FAM193A: variants seen among roughly 807,000 people sequenced by gnomAD.
The protein encoded by FAM193A is protein FAM193A.
Under a neutral mutation model 126.5 loss-of-function variants are expected in FAM193A, and 22 were observed. That is an observed-to-expected ratio of 0.17 (90% CI 0.12 to 0.25). The LOEUF is 0.25. Among genes scored for constraint, FAM193A ranks in the 10% least tolerant of loss-of-function variants. FAM193A has a pLI of 1.00. For synonymous variants in FAM193A, 761 were observed against 646.8 expected, an observed-to-expected ratio of 1.18 and a Z score of -2.68; for missense variants, 1,675 against 1,672.8, an observed-to-expected ratio of 1.00 and a Z score of -0.02.
At position 2,693,670 on chromosome 4, in the gene FAM193A, C is replaced by G; in HGVS notation, c.2888C>G (p.Pro963Arg). Residue 963 changes from proline to arginine, a missense_variant, in exon 16 of 21, where the codon CCC becomes CGC. Pro to Arg is a moderately radical substitution (Grantham distance 103, BLOSUM62 -2). Transcript: ENST00000637812. ...APRNSPTGLA[P>R]LPALSPAALS... Reference sequence around the variant, plus strand: ...AGGAATAGCCCCACGGGCTTGGCCCCCCTCCCAGCGCTCTCGCCTGCTGCG... The same window carrying G: ...AGGAATAGCCCCACGGGCTTGGCCCGCCTCCCAGCGCTCTCGCCTGCTGCG... 6.2e-7 allele frequency: 1 copy of G among 1,614,226 alleles called. No individual in the cohort carries two copies. The highest frequency in any genetic ancestry group is 8.5e-7 in the Non-Finnish European group (1 of 1,180,034).
intron 20 of FAM193A, among the ~76,000 whole-genome samples, chr4:2,721,415 G>A (rs1308238204): frequency 2.0e-5 from 3 of 151,498 alleles, no homozygotes. Context: ...TTGAGCTCAG[G>A]AGTTTGAAGC....
At chr4:2,641,110 A>G (rs1744577335) in intron 6 of FAM193A, among the ~76,000 whole-genome samples, 1 of 151,410 alleles carries the variant, frequency 6.6e-6, no homozygotes, top group African/African-American at 2.4e-5. Flanking sequence ...GCACAATCTC[A>G]GCTCACTGCA....
intron 1 of FAM193A, among the ~76,000 whole-genome samples, chr4:2,548,014 T>C (rs942246081): frequency 2.0e-5 from 3 of 152,024 alleles, no homozygotes; most frequent in Non-Finnish European, 4.4e-5. Flanking sequence ...ATGTTTCCTG[T>C]GTTTATTTGC....
intron 5 of FAM193A, among the ~76,000 whole-genome samples, chr4:2,636,691 G>A (rs1382906636): frequency 6.6e-6 from 1 of 152,194 alleles, no homozygotes; most frequent in African/African-American, 2.4e-5. Context: ...CTTTAAATGT[G>A]TAGGATCTTT....
intron 1 of FAM193A, among the ~76,000 whole-genome samples, chr4:2,593,022 C>T (rs931796879): frequency 3.9e-5 from 6 of 152,158 alleles, no homozygotes; most frequent in Non-Finnish European, 8.8e-5. Flanking sequence ...TCTGATGCTG[C>T]CTTACAGAGC....
intron 19 of FAM193A, among the ~76,000 whole-genome samples, chr4:2,702,108 T>C (rs1717802870): frequency 6.6e-6 from 1 of 152,204 alleles, no homozygotes; most frequent in East Asian, 1.9e-4. Flanking sequence ...CTTTCTATAT[T>C]TGTTACTTGC....
At chr4:2,567,819 G>A (rs561345280) in intron 1 of FAM193A, among the ~76,000 whole-genome samples, 2 of 152,270 alleles carry the variant, frequency 1.3e-5, no homozygotes, top group South Asian at 2.1e-4. Flanking sequence ...TGTCCCTGCC[G>A]ATGAAGTCTG....
At chr4:2,685,245 G>T (rs1577202772) in intron 13 of FAM193A, among the ~76,000 whole-genome samples, 2 of 152,192 alleles carry the variant, frequency 1.3e-5, no homozygotes, top group Non-Finnish European at 2.9e-5. Context: ...GTGCCAAGTA[G>T]CCTTGGTCCC....
chr4:2,572,698 C>A (rs1011338806), intron 1 of FAM193A, among the ~76,000 whole-genome samples: 1 of 151,480 alleles, frequency 6.6e-6, no homozygotes, highest in Non-Finnish European at 1.5e-5. Context: ...CACGTGGGAC[C>A]TGGAGGGCTG....
intron 12 of FAM193A, among the ~76,000 whole-genome samples, chr4:2,666,805 C>T (rs1252514806): frequency 6.6e-6 from 1 of 152,188 alleles, no homozygotes; most frequent in Non-Finnish European, 1.5e-5. Context: ...TTATTCTATA[C>T]TGTTATAATC....
At position 2,596,198 on chromosome 4, in the gene FAM193A, A is replaced by C. The variant is rs1483229328; in HGVS notation, c.370A>C (p.Thr124Pro). The change falls in exon 2 of 21, where the codon ACT (threonine) becomes CCT (proline). Residue 124 changes from threonine (T) to proline (P), a missense_variant. Transcript: ENST00000637812. ...ATCATTCTTAGAGAGTGGAATTAAG[A>C]CTGCGAGCAAATTGGCCCTTTCCAT... ...DSSFLESGIK[T>P]ASKLALSMAP... 1.4e-6 allele frequency: 1 copy of C among 702,996 alleles called. No homozygotes were observed. The highest frequency in any genetic ancestry group is 1.5e-5 in the South Asian group (1 of 67,606). 43.5% of individuals were successfully genotyped at this position (702,996 alleles called of 1,614,324 possible). A position where few individuals can be genotyped will look rare whatever the true frequency, so the allele number is the denominator to read the frequency against.
intron 2 of FAM193A, among the ~76,000 whole-genome samples, chr4:2,611,213 CT>C (rs1219571664): frequency 9.2e-5 from 14 of 152,102 alleles, no homozygotes; most frequent in Admixed American, 7.2e-4. Context: ...TACAGCCATT[CT>C]AGTGGTTTGT....
At chr4:2,535,610 G>C (rs114394439), upstream of FAM193A, among the ~76,000 whole-genome samples, 1,310 of 152,358 alleles carry the variant, frequency 8.6e-3, 16 homozygotes, top group African/African-American at 0.03. Context: ...GCTCTGCCTG[G>C]GGCTCGCAGA....
Position 2,631,058 on chromosome 4 carries a change from A to G in FAM193A, c.927A>G (p.Pro309=), listed in dbSNP as rs1743521596. The change falls in exon 5 of 21, where the codon CCA becomes CCG. Residue 309 remains proline, a synonymous_variant. Transcript: ENST00000637812. The stretch of plus-strand genomic sequence containing the variant: ...CGGCTGCGGCCAAGGTGAAGGCACC[A>G]TCTGGCCTGCAGGGCCCGCCGCAAG... ...QLSAAAKVKA[P]SGLQGPPQAH... 6.2e-7 allele frequency: 1 copy of G among 1,613,418 alleles called. No homozygotes were observed.
chr4:2,607,111 G>A lies in FAM193A; in HGVS notation c.501+10782G>A, dbSNP rs147529823. On this transcript the variant is annotated intron_variant, in intron 2 of 20. Transcript: ENST00000637812. ...CCTCGAGGCGGACTCTTCCTGGGGC[G>A]TGCCGGAGAAATAAATGCTCTGTGT... is the stretch of plus-strand genomic sequence containing the variant. Among the ~76,000 whole-genome samples, 1,297 of 152,320 alleles carry A rather than the reference G, an allele frequency of 8.5e-3. 3 individuals are homozygous for A. Among genetic ancestry groups the A allele is most frequent in the Non-Finnish European group, 0.014 (947 of 68,040 alleles).
intron 1 of FAM193A, among the ~76,000 whole-genome samples, chr4:2,561,687 G>A (rs548101177): frequency 6.6e-5 from 10 of 151,656 alleles, no homozygotes; most frequent in South Asian, 6.3e-4. Flanking sequence ...AGTACAGACG[G>A]GGTTTCACCG....
rs1320116715 is a variant in FAM193A, at chr4:2,705,590, C to CT, written c.4372+5054dup. Among the ~76,000 whole-genome samples, 8 of 150,808 alleles carry CT rather than the reference C, an allele frequency of 5.3e-5. No homozygotes were observed. In the South Asian group the frequency reaches 8.4e-4, roughly 16 times the overall value. On this transcript the variant is annotated intron_variant, in intron 19 of 20. Transcript: ENST00000637812. ...TCCCAGCACATTATTATTATTTATT[C>CT]TTTTTTTTGGGAAGTGGGGTATAGG...
chr4:2,651,104 G>A (rs1014414416), intron 7 of FAM193A, among the ~76,000 whole-genome samples: 1 of 152,188 alleles, frequency 6.6e-6, no homozygotes, highest in Non-Finnish European at 1.5e-5. Context: ...GCCAAGGTGG[G>A]CGGATCACCT....
chr4:2,602,801 C>CA lies in FAM193A; in HGVS notation c.501+6473dup, dbSNP rs556220852. On this transcript the variant is annotated intron_variant, in intron 2 of 20. Coordinates refer to ENST00000637812, the MANE Select transcript of FAM193A (RefSeq NM_001366318.2). The stretch of plus-strand genomic sequence containing the variant: ...TCAGCCTCCCAAGTAGCTGGGACTA[C>CA]AGGCGCCCACCACCACGCCCGGCTA... 6.3e-3 allele frequency among the ~76,000 whole-genome samples: 959 copies of CA among 151,188 alleles called. 12 individuals carry two copies. Among genetic ancestry groups the CA allele is most frequent in the Middle Eastern group, 0.055 (16 of 290 alleles).
Sources: allele counts gnomAD v4.1 joint callset (sites outside exome capture counted in the v4.1 genomes callset), GRCh38; gene constraint gnomAD v4.1.1; transcripts MANE v1.5; gene names NCBI Gene and HGNC (gene_info 2026-07-23, HGNC 2026-07-21).